TSPEAR: variants seen among roughly 807,000 people sequenced by gnomAD.
The protein encoded by TSPEAR is thrombospondin-type laminin G domain and EAR repeat-containing protein.
TSPEAR carries 69 observed loss-of-function variants against 71.6 expected under a neutral mutation model. The ratio of observed to expected loss-of-function variants is 0.96; its 90% confidence interval spans 0.79 to 1.18. The LOEUF is 1.18. TSPEAR is among the 50% of genes most tolerant of loss of function. The probability of loss-of-function intolerance (pLI) is 0.00; values close to 1 mark genes in which losing one functional copy is unlikely to be tolerated. For missense variants in TSPEAR, 971 were observed against 894.9 expected, an observed-to-expected ratio of 1.09 and a Z score of -1.09; for synonymous variants, 402 against 387.2, an observed-to-expected ratio of 1.04 and a Z score of -0.45.
At position 44,593,777 on chromosome 21, in the gene TSPEAR, C is replaced by T. The variant is rs1377071720; in HGVS notation, c.83-25772G>A. On this transcript the variant is annotated intron_variant, in intron 1 of 11. Transcript: ENST00000323084. This position sits in a 1 kb window ranked among gnomAD's most constrained non-coding sequence, Gnocchi z 5.9. ...ACTGAGAGGACGGACTCTGCTCTCACGCCACAGCTGCTGTTTTTCTACAGT... is the reference window on the plus strand; with the variant it reads ...ACTGAGAGGACGGACTCTGCTCTCATGCCACAGCTGCTGTTTTTCTACAGT... Among the ~76,000 whole-genome samples, 4 of 152,346 alleles carry T rather than the reference C, an allele frequency of 2.6e-5. No homozygotes were observed. Among genetic ancestry groups the T allele is most frequent in the Non-Finnish European group, 2.9e-5 (2 of 68,036 alleles).
chr21:44,554,351 C>T (rs9306107), intron 2 of TSPEAR, among the ~76,000 whole-genome samples: 5,088 of 152,270 alleles, frequency 0.033, 274 homozygotes, highest in African/African-American at 0.11. Context: ...GAAAGAAATG[C>T]CTGCTGCTCA....
At chr21:44,634,753 G>C (rs1201173823) in intron 1 of TSPEAR, among the ~76,000 whole-genome samples, 1 of 152,148 alleles carries the variant, frequency 6.6e-6, no homozygotes, top group Non-Finnish European at 1.5e-5. Context: ...GGTCATTAGG[G>C]AAACAGAAAT....
intron 1 of TSPEAR, among the ~76,000 whole-genome samples, chr21:44,602,715 G>A (rs1375207026): frequency 1.3e-5 from 2 of 152,210 alleles, no homozygotes; most frequent in African/African-American, 4.8e-5. Flanking sequence ...ACCGGGCAGG[G>A]CATCCCCAAC....
intron 1 of TSPEAR, among the ~76,000 whole-genome samples, chr21:44,665,589 T>C (rs1234033284): frequency 6.6e-6 from 1 of 152,216 alleles, no homozygotes; most frequent in Non-Finnish European, 1.5e-5. Flanking sequence ...ACTCTATTTT[T>C]TCTAGAAAGT....
chr21:44,709,400 G>A (rs1301102610), intron 1 of TSPEAR, among the ~76,000 whole-genome samples: 11 of 152,228 alleles, frequency 7.2e-5, no homozygotes, highest in African/African-American at 2.4e-4. Context: ...CACGGGGCTG[G>A]AGCCGCCTGA....
chr21:44,629,706 G>C (rs375921808), intron 1 of TSPEAR, among the ~76,000 whole-genome samples: 1 of 152,196 alleles, frequency 6.6e-6, no homozygotes, highest in Non-Finnish European at 1.5e-5. Flanking sequence ...ACAGAGACAC[G>C]ACCCTCGGGG....
chr21:44,538,432 CCCCCA>C (rs201353820), intron 2 of TSPEAR, among the ~76,000 whole-genome samples: 30,224 of 146,204 alleles, frequency 0.21, 3,240 homozygotes, highest in South Asian at 0.38. Context: ...GCCCCCCCCC[CCCCCA>C]AGAGGAGAAC....
At chr21:44,584,298 C>A (rs1427534582) in intron 1 of TSPEAR, among the ~76,000 whole-genome samples, 1 of 152,168 alleles carries the variant, frequency 6.6e-6, no homozygotes, top group Admixed American at 6.5e-5. Flanking sequence ...CGTATTCCAT[C>A]GTGTGTATAC....
At chr21:44,661,886 C>T (rs912698030) in intron 1 of TSPEAR, among the ~76,000 whole-genome samples, 14 of 152,196 alleles carry the variant, frequency 9.2e-5, no homozygotes, top group African/African-American at 3.1e-4. Context: ...AATCCACCCC[C>T]GTGATCCAAT....
At chr21:44,655,853 G>C (rs587595728) in intron 1 of TSPEAR, among the ~76,000 whole-genome samples, 41 of 152,298 alleles carry the variant, frequency 2.7e-4, no homozygotes, top group Middle Eastern at 3.4e-3. Context: ...GGCACCCTCT[G>C]CTCCTGTGTG....
chr21:44,643,815 G>A (rs1473978917), intron 1 of TSPEAR, among the ~76,000 whole-genome samples: 1 of 152,214 alleles, frequency 6.6e-6, no homozygotes, highest in Non-Finnish European at 1.5e-5. Context: ...CGAGACCAAG[G>A]CTGTGCGACA....
intron 1 of TSPEAR, among the ~76,000 whole-genome samples, chr21:44,584,832 C>T (rs974626149): frequency 6.6e-6 from 1 of 152,162 alleles, no homozygotes; most frequent in Non-Finnish European, 1.5e-5. Context: ...TTTTCCTGGA[C>T]ATCATTGTAT....
At chr21:44,554,994 G>A (rs233248) in intron 2 of TSPEAR, among the ~76,000 whole-genome samples, 30,887 of 152,084 alleles carry the variant, frequency 0.2, 3,279 homozygotes, top group East Asian at 0.37. Context: ...TAAAAAATAA[G>A]CATAAAGGTA....
chr21:44,540,651 G>A (rs1018841043), intron 2 of TSPEAR, among the ~76,000 whole-genome samples: 2 of 152,250 alleles, frequency 1.3e-5, no homozygotes, highest in African/African-American at 2.4e-5. Flanking sequence ...GATCACTGGA[G>A]CAGCCGGAGA....
chr21:44,521,825 C>A, intron 9 of TSPEAR, 58 bp downstream of exon 9: 1 of 1,501,580 alleles, frequency 6.7e-7, no homozygotes, highest in Non-Finnish European at 9.2e-7. Flanking sequence ...CCAGCAGGTG[C>A]AGGTGACAGA....
At chr21:44,505,606 C>T (rs1456131325) in intron 10 of TSPEAR, among the ~76,000 whole-genome samples, 1 of 137,974 alleles carries the variant, frequency 7.2e-6, no homozygotes, top group East Asian at 2.4e-4. Context: ...CCCACCACGC[C>T]ACTTTCTGTC....
rs587679978 is a variant in TSPEAR, at chr21:44,507,875, G to A, written c.1754+1324C>T. On this transcript the variant is annotated intron_variant, in intron 10 of 11. Transcript: ENST00000323084. Reference sequence around the variant, plus strand: ...TCTCCTGCCATGGCTGCCAGGCCACGCAGGGGCCACGGAGCCCACAGGCAG... The same window carrying A: ...TCTCCTGCCATGGCTGCCAGGCCACACAGGGGCCACGGAGCCCACAGGCAG... 5.3e-4 allele frequency among the ~76,000 whole-genome samples: 80 copies of A among 151,644 alleles called. 1 individual carries two copies. In the Middle Eastern group the frequency reaches 0.01, roughly 20 times the overall value.
rs183770957 is a variant in TSPEAR, at chr21:44,697,444, G to A, written c.82+13989C>T. On this transcript the variant is annotated intron_variant, in intron 1 of 11. Coordinates refer to ENST00000323084, the MANE Select transcript of TSPEAR (RefSeq NM_144991.3). ...AATCAGGCTGCACCAGCTCCTGCAC[G>A]CCCTCGTGCTGCCAGCAGTCTAGCT... 5.8e-3 allele frequency: 9,410 copies of A among 1,614,016 alleles called. 36 individuals are homozygous for A. Among genetic ancestry groups the A allele is most frequent in the Non-Finnish European group, 7.4e-3 (8,693 of 1,180,008 alleles).
intron 2 of TSPEAR, among the ~76,000 whole-genome samples, chr21:44,534,585 C>A (rs1475852131): frequency 1.3e-5 from 2 of 151,982 alleles, no homozygotes; most frequent in African/African-American, 4.8e-5. Flanking sequence ...CATGGTAAAA[C>A]CCAAAGGCAC....
Sources: allele counts gnomAD v4.1 joint callset (sites outside exome capture counted in the v4.1 genomes callset), GRCh38; gene constraint gnomAD v4.1.1; non-coding constraint Gnocchi (gnomAD v3.1); transcripts MANE v1.5; gene names NCBI Gene and HGNC (gene_info 2026-07-23, HGNC 2026-07-21).